Variants in CAPN14 observed in about 807,000 individuals in gnomAD.
CAPN14 encodes the protein calpain 14.
A neutral mutation model predicts 101.3 loss-of-function variants in CAPN14; 94 were observed. The observed-to-expected ratio is 0.93, with a 90% CI of 0.79 to 1.10. The LOEUF (loss-of-function observed/expected upper bound fraction) is 1.10. Ranked by LOEUF, CAPN14 falls within the 50% of genes least tolerant of loss-of-function variation. The pLI is 0.00. For synonymous variants in CAPN14, 338 were observed against 317.9 expected (o/e 1.06, Z -0.67); for missense variants, 837 against 828.4 (o/e 1.01, Z -0.13).
intron 9 of CAPN14, among the ~76,000 whole-genome samples, chr2:31,193,756 C>T (rs1681330429): frequency 1.3e-5 from 2 of 152,176 alleles, no homozygotes; most frequent in Admixed American, 1.3e-4. Flanking sequence ...GTTTACTTAA[C>T]CATAAAGTGG....
chr2:31,229,414 A>T lies in CAPN14; in HGVS notation c.-176-2763T>A, dbSNP rs535646601. On this transcript the variant is annotated intron_variant and NMD_transcript_variant, in intron 1 of 21. Coordinates refer to the CAPN14 transcript ENST00000398824. ...TGCATCCAAGGACCAGATTTTTTTT[A>T]AAATAAAGGATAAAAGGAATAAGAA... Among the ~76,000 whole-genome samples the T allele has an allele frequency of 3.0e-4, 46 of 152,320 alleles. 1 individual carries two copies. In the South Asian group the frequency reaches 6.0e-3, roughly 20 times the overall value.
intron 1 of CAPN14, among the ~76,000 whole-genome samples, chr2:31,210,690 T>G (rs867716928): frequency 2.6e-5 from 4 of 152,330 alleles, no homozygotes; most frequent in African/African-American, 9.6e-5. Flanking sequence ...ATAGTTAACA[T>G]TTTAATGTAT....
At chr2:31,210,872 G>A (rs72786910) in intron 1 of CAPN14, among the ~76,000 whole-genome samples, 4,708 of 152,212 alleles carry the variant, frequency 0.031, 107 homozygotes, top group Non-Finnish European at 0.05. Context: ...CAAATCATAG[G>A]TCAACCAAAA....
At chr2:31,201,718 T>C (rs1681791168) in intron 5 of CAPN14, 144 bp downstream of exon 5, 1 of 1,088,504 alleles carries the variant, frequency 9.2e-7, no homozygotes, top group African/African-American at 1.6e-5. Context: ...CATAAAAGAC[T>C]GAATACGTTG....
At chr2:31,215,668 T>A (rs1467459027) in intron 1 of CAPN14, among the ~76,000 whole-genome samples, 1 of 151,938 alleles carries the variant, frequency 6.6e-6, no homozygotes, top group African/African-American at 2.4e-5. Flanking sequence ...CTCACACTCA[T>A]GAACTGGGGA....
upstream of CAPN14, among the ~76,000 whole-genome samples, chr2:31,221,255 A>G (rs1682854288): frequency 6.6e-6 from 1 of 152,238 alleles, no homozygotes; most frequent in Non-Finnish European, 1.5e-5. Context: ...ATTTATTCAT[A>G]ACAAATAATT....
chr2:31,205,749 T>A (rs1029994966), intron 1 of CAPN14, among the ~76,000 whole-genome samples: 9 of 152,012 alleles, frequency 5.9e-5, no homozygotes, highest in African/African-American at 2.2e-4. Context: ...CTCTCAAGCC[T>A]CAGGGCTGAG....
intron 21 of CAPN14, 105 bp downstream of exon 21, chr2:31,176,482 C>A: frequency 1.3e-6 from 1 of 782,584 alleles, no homozygotes; most frequent in South Asian, 1.6e-5. Flanking sequence ...TCCAATTCAG[C>A]AGAATAAAGT....
intron 1 of CAPN14, among the ~76,000 whole-genome samples, chr2:31,212,314 A>AAC (rs201178881): frequency 1.4e-4 from 7 of 48,914 alleles, no homozygotes; most frequent in African/African-American, 1.8e-4. Context: ...TCTCAAAACA[A>AAC]AAAAAAAAAA....
upstream of CAPN14, among the ~76,000 whole-genome samples, chr2:31,220,672 T>C (rs1212334218): frequency 6.6e-6 from 1 of 152,146 alleles, no homozygotes; most frequent in African/African-American, 2.4e-5. Flanking sequence ...CTACTAAAAC[T>C]GCACAAATTA....
chr2:31,232,432 C>T (rs534124203), intron 1 of CAPN14, among the ~76,000 whole-genome samples: 1 of 152,318 alleles, frequency 6.6e-6, no homozygotes, highest in South Asian at 2.1e-4. Flanking sequence ...CTCTTGGCCT[C>T]TGTATTCGTC....
At chr2:31,207,183 A>G (rs1055333488) in intron 1 of CAPN14, among the ~76,000 whole-genome samples, 2 of 152,134 alleles carry the variant, frequency 1.3e-5, no homozygotes, top group African/African-American at 4.8e-5. Flanking sequence ...TGGCTGTAGG[A>G]GTGACCTGGG....
At position 31,215,448 on chromosome 2, in the gene CAPN14, C is replaced by T. The variant is rs73921592; in HGVS notation, c.-53+2008G>A. Among the ~76,000 whole-genome samples the T allele has an allele frequency of 3.2e-3, 480 of 152,286 alleles. 1 individual carries two copies. Among genetic ancestry groups the T allele is most frequent in the African/African-American group, 0.011 (453 of 41,548 alleles). On this transcript the variant is annotated intron_variant, in intron 1 of 21. Coordinates refer to ENST00000403897, the MANE Select transcript of CAPN14 (RefSeq NM_001145122.2). ...ATGGCCTCAAGTCCAAATGGCCAGG[C>T]TCTTGGTGTGTTAGTTCCTTTCTGT...
At chr2:31,190,719 CAACA>C (rs936698269) in intron 12 of CAPN14, among the ~76,000 whole-genome samples, 15 of 152,156 alleles carry the variant, frequency 9.9e-5, no homozygotes, top group Non-Finnish European at 1.9e-4. Context: ...GTGAGAGAAA[CAACA>C]AACAAAGACC....
In CAPN14 at chr2:31,177,024, ACCCT is replaced by A; in HGVS notation, c.1970_1972+1del. 2 of 1,548,792 alleles carry A rather than the reference ACCCT, an allele frequency of 1.3e-6. No homozygotes were observed. The highest frequency in any genetic ancestry group is 1.7e-6 in the Non-Finnish European group (2 of 1,144,664). Reference sequence around the variant, plus strand: ...GCCCTCCCCAGCTTCCCGCCAGCTTACCCTCCATGTTCTCTACACGCAGCATCAA... The same window carrying A: ...GCCCTCCCCAGCTTCCCGCCAGCTTACCATGTTCTCTACACGCAGCATCAA... On this transcript the variant is annotated splice_donor_variant and coding_sequence_variant, in exon 20 of 22. Transcript: ENST00000403897. LOFTEE classifies it high-confidence loss of function.
intron 1 of CAPN14, among the ~76,000 whole-genome samples, chr2:31,210,005 TAC>T (rs1287531430): frequency 1.6e-4 from 25 of 152,232 alleles, no homozygotes; most frequent in African/African-American, 5.5e-4. Context: ...TGTCCAGGAA[TAC>T]AGAGTCCATA....
chr2:31,191,910 C>T, intron 11 of CAPN14, 25 bp downstream of exon 11: 1 of 1,525,538 alleles, frequency 6.6e-7, no homozygotes, highest in South Asian at 1.2e-5. Flanking sequence ...GGTCCCATGC[C>T]CCTGTGGTTC....
chr2:31,192,094 T>C lies in CAPN14; in HGVS notation c.1119A>G (p.Thr373=), dbSNP rs1411455016. ...AGGQRQLLQD[T]FWKNPQFLLS... Reference sequence around the variant, plus strand: ...GCAGGAACTGCGGGTTCTTCCAAAATGTGTCTGGAGCAGAACACAGCAAGG... The same window carrying C: ...GCAGGAACTGCGGGTTCTTCCAAAACGTGTCTGGAGCAGAACACAGCAAGG... The change falls in exon 11 of 22, where the codon ACA becomes ACG. Residue 373 remains threonine, a synonymous_variant. Coordinates refer to ENST00000403897, the MANE Select transcript of CAPN14 (RefSeq NM_001145122.2). 2.6e-6 allele frequency: 4 copies of C among 1,547,652 alleles called. No homozygotes were observed. Among genetic ancestry groups the C allele is most frequent in the Non-Finnish European group, 3.5e-6 (4 of 1,145,244 alleles).
chr2:31,183,898 T>A (rs1680779962), intron 16 of CAPN14, among the ~76,000 whole-genome samples: 1 of 151,694 alleles, frequency 6.6e-6, no homozygotes, highest in Non-Finnish European at 1.5e-5. Context: ...CTTTCTTTTT[T>A]TCTTTAGAGA....
Sources: allele counts gnomAD v4.1 joint callset (sites outside exome capture counted in the v4.1 genomes callset), GRCh38; gene constraint gnomAD v4.1.1; transcripts MANE v1.5; gene names NCBI Gene and HGNC (gene_info 2026-07-23, HGNC 2026-07-21).